The following ENTREP2 variants were observed in gnomAD, a reference collection of about 807,000 sequenced individuals.
The protein encoded by ENTREP2 is endosomal transmembrane epsin interactor 2, also known as protein ENTREP2.
At chr15:29,332,565 T>C in the ENTREP2 span, among the ~76,000 whole-genome samples, 3 of 152,142 alleles carry the variant, frequency 2.0e-5, no homozygotes, top group African/African-American at 7.2e-5. Context: ...ATAACCGTGG[T>C]AAGAAGCAAG....
the ENTREP2 span, among the ~76,000 whole-genome samples, chr15:29,187,282 T>G: frequency 6.6e-6 from 1 of 152,136 alleles, no homozygotes; most frequent in South Asian, 2.1e-4. Context: ...TTTCTTCTTT[T>G]TTTTTCTTTT....
chr15:29,138,871 G>A, the ENTREP2 span, among the ~76,000 whole-genome samples: 7 of 152,172 alleles, frequency 4.6e-5, no homozygotes, highest in South Asian at 1.5e-3. Context: ...TGAAAGATTG[G>A]TGGGATTTCA....
chr15:29,172,854 C>A, the ENTREP2 span, among the ~76,000 whole-genome samples: 1 of 152,122 alleles, frequency 6.6e-6, no homozygotes, highest in Non-Finnish European at 1.5e-5. Flanking sequence ...TCTGAGGTGG[C>A]CTCCCAGTAC....
At chr15:29,489,277 G>T in the ENTREP2 span, among the ~76,000 whole-genome samples, 1 of 152,130 alleles carries the variant, frequency 6.6e-6, no homozygotes, top group Non-Finnish European at 1.5e-5. Context: ...TGGAGCGAGG[G>T]TACTGATTTA....
the ENTREP2 span, among the ~76,000 whole-genome samples, chr15:29,398,459 C>G: frequency 1.3e-5 from 2 of 152,096 alleles, no homozygotes; most frequent in African/African-American, 2.4e-5. Flanking sequence ...GGCAGTGGCT[C>G]ACACCTGTAA....
At chr15:29,431,932 C>T in the ENTREP2 span, among the ~76,000 whole-genome samples, 4 of 152,072 alleles carry the variant, frequency 2.6e-5, no homozygotes, top group African/African-American at 7.2e-5. Flanking sequence ...ATAATGGAAA[C>T]GCCGTGGCAT....
At chr15:29,341,946 G>A in the ENTREP2 span, among the ~76,000 whole-genome samples, 1 of 152,188 alleles carries the variant, frequency 6.6e-6, no homozygotes, top group African/African-American at 2.4e-5. Context: ...GCCACTGAAA[G>A]CTTTCAGACG....
the ENTREP2 span, among the ~76,000 whole-genome samples, chr15:29,405,248 G>A: frequency 6.6e-6 from 1 of 152,100 alleles, no homozygotes; most frequent in East Asian, 1.9e-4. Context: ...AATTAGCCAG[G>A]CATGGTGGCA....
the ENTREP2 span, among the ~76,000 whole-genome samples, chr15:29,202,294 A>G: frequency 6.9e-6 from 1 of 145,594 alleles, no homozygotes; most frequent in Non-Finnish European, 1.5e-5. Context: ...ATTTCCTGAC[A>G]CCTATTTGCT....
At chr15:29,625,692 G>A in the ENTREP2 span, among the ~76,000 whole-genome samples, 1 of 152,006 alleles carries the variant, frequency 6.6e-6, no homozygotes, top group African/African-American at 2.4e-5. Flanking sequence ...TCCACACCTG[G>A]TTGTACATGC....
chr15:29,656,946 A>C, the ENTREP2 span, among the ~76,000 whole-genome samples: 13 of 152,114 alleles, frequency 8.5e-5, no homozygotes, highest in Non-Finnish European at 1.8e-4. Context: ...AAATAGCCCA[A>C]ATTTCCCTCA....
chr15:29,145,663 A>C, the ENTREP2 span, among the ~76,000 whole-genome samples: 1 of 151,120 alleles, frequency 6.6e-6, no homozygotes, highest in Non-Finnish European at 1.5e-5. Flanking sequence ...CAAACTAGGA[A>C]TAGAAGGGAA....
At chr15:29,484,118 A>T in the ENTREP2 span, among the ~76,000 whole-genome samples, 3 of 152,214 alleles carry the variant, frequency 2.0e-5, no homozygotes, top group South Asian at 2.1e-4. Context: ...AAAGATTTTT[A>T]AAAATATTTT....
the ENTREP2 span, among the ~76,000 whole-genome samples, chr15:29,494,936 G>A: frequency 6.6e-6 from 1 of 152,142 alleles, no homozygotes; most frequent in South Asian, 2.1e-4. Flanking sequence ...CATTTTATCA[G>A]TTTATCCACT....
At chr15:29,636,296 C>G in the ENTREP2 span, among the ~76,000 whole-genome samples, 2 of 152,166 alleles carry the variant, frequency 1.3e-5, no homozygotes, top group African/African-American at 4.8e-5. Context: ...GCCAATGGAA[C>G]GTTAGCAGTT....
chr15:29,490,440 T>C, the ENTREP2 span, among the ~76,000 whole-genome samples: 1 of 152,210 alleles, frequency 6.6e-6, no homozygotes, highest in Non-Finnish European at 1.5e-5. Flanking sequence ...AGCCTGCTTT[T>C]ATTCCCTTGT....
the ENTREP2 span, among the ~76,000 whole-genome samples, chr15:29,398,946 G>A: frequency 1.3e-5 from 2 of 152,156 alleles, no homozygotes; most frequent in African/African-American, 4.8e-5. Flanking sequence ...TCATCAAAAG[G>A]GAAGTTCTCT....
At chr15:29,367,144 C>T in the ENTREP2 span, among the ~76,000 whole-genome samples, 4 of 152,208 alleles carry the variant, frequency 2.6e-5, no homozygotes, top group African/African-American at 9.6e-5. Flanking sequence ...AGAGCTGAAT[C>T]TCGGTAAGAA....
chr15:29,327,438 CA>C, the ENTREP2 span, among the ~76,000 whole-genome samples: 3 of 151,566 alleles, frequency 2.0e-5, no homozygotes, highest in African/African-American at 2.4e-5. Context: ...ACTAAAAATA[CA>C]AAAAAATTAG....
Sources: gnomAD v4.1 joint callset for allele counts (sites outside exome capture counted in the v4.1 genomes callset) on GRCh38, gnomAD v4.1.1 for gene constraint, MANE v1.5 for transcripts, NCBI Gene and HGNC (gene_info 2026-07-23, HGNC 2026-07-21) for gene names.